ADCY5: variants seen among roughly 807,000 people sequenced by gnomAD.
The protein encoded by ADCY5 is adenylate cyclase 5.
ADCY5 carries 30 observed loss-of-function variants against 119.7 expected under a neutral mutation model. The ratio of observed to expected loss-of-function variants is 0.25; its 90% CI spans 0.19 to 0.34. ADCY5 has a LOEUF of 0.34. Ranked by LOEUF, ADCY5 falls within the 10% of genes least tolerant of loss-of-function variation. The pLI is 1.00. For missense variants in ADCY5, 1,324 were observed against 1,775.2 expected, an observed-to-expected ratio of 0.75 and a Z score of 4.57; for synonymous variants, 753 against 762.2, an observed-to-expected ratio of 0.99 and a Z score of 0.20.
intron 15 of ADCY5, among the ~76,000 whole-genome samples, chr3:123,298,618 G>A (rs1480815033): frequency 2.0e-5 from 3 of 151,896 alleles, no homozygotes; most frequent in African/African-American, 7.3e-5. Flanking sequence ...TTTCTCAGGC[G>A]ACACCACCTT....
chr3:123,396,384 A>G (rs1267370837), intron 1 of ADCY5, among the ~76,000 whole-genome samples: 6 of 134,264 alleles, frequency 4.5e-5, no homozygotes, highest in African/African-American at 1.7e-4. Flanking sequence ...GAAGGAAGGG[A>G]GGGAAAGAGA....
At chr3:123,288,432 A>G (rs570520017) in intron 19 of ADCY5, among the ~76,000 whole-genome samples, 2 of 152,250 alleles carry the variant, frequency 1.3e-5, no homozygotes, top group Non-Finnish European at 2.9e-5. Context: ...CTGCTCTTTC[A>G]GAAAGCATTC....
intron 5 of ADCY5, among the ~76,000 whole-genome samples, chr3:123,330,583 C>T (rs1346238491): frequency 6.6e-6 from 1 of 152,200 alleles, no homozygotes; most frequent in African/African-American, 2.4e-5. Context: ...GTGCAAGGGC[C>T]TCACACGGCA....
intron 1 of ADCY5, among the ~76,000 whole-genome samples, chr3:123,369,902 T>C (rs1009967927): frequency 3.3e-5 from 5 of 152,208 alleles, no homozygotes; most frequent in African/African-American, 1.2e-4. Flanking sequence ...AACCAGGAGA[T>C]TCTGCCCTGG....
chr3:123,294,935 G>A (rs116355079), intron 17 of ADCY5, among the ~76,000 whole-genome samples: 3,000 of 152,302 alleles, frequency 0.02, 96 homozygotes, highest in African/African-American at 0.064. Flanking sequence ...AGAGGGGATT[G>A]AGGAAGAAGG....
At chr3:123,381,838 G>A (rs1944042658) in intron 1 of ADCY5, among the ~76,000 whole-genome samples, 1 of 151,984 alleles carries the variant, frequency 6.6e-6, no homozygotes, top group African/African-American at 2.4e-5. Flanking sequence ...TCTACCCTTG[G>A]GCCTGTACTC....
rs1025828318 is a variant in ADCY5 at position 123,296,692 on chromosome 3, G to C, written c.2931-476C>G. 4.1e-5 allele frequency among the ~76,000 whole-genome samples: 6 copies of C among 147,800 alleles called. No homozygotes were observed. The Admixed American group carries it at 4.1e-4, about 10-fold the overall frequency. On this transcript the variant is annotated intron_variant, in intron 16 of 20. Transcript: ENST00000462833. ...TTATCTGTACAACAGGATAACAATA[G>C]CCACATTTCAAGATGGTAGTAAGGA...
rs929030957 is a variant in ADCY5, at chr3:123,381,992, C to T, written c.1135-29411G>A. ...AGCTGGTGGTGGGCAAGGCCCTTCG[C>T]GGTCTACCTCCCTCCCTTACCTCGC... is the stretch of plus-strand genomic sequence containing the variant. On this transcript the variant is annotated intron_variant, in intron 1 of 20. Transcript: ENST00000462833. 2.6e-5 allele frequency among the ~76,000 whole-genome samples: 4 copies of T among 152,164 alleles called. No homozygotes were observed. In the South Asian group the frequency reaches 8.3e-4, roughly 32 times the overall value.
chr3:123,446,117 C>T (rs1448201298), intron 1 of ADCY5, among the ~76,000 whole-genome samples: 1 of 152,148 alleles, frequency 6.6e-6, no homozygotes, highest in African/African-American at 2.4e-5. Flanking sequence ...GTGTCCCCTC[C>T]GTCCCAGTCA....
intron 1 of ADCY5, among the ~76,000 whole-genome samples, chr3:123,409,301 G>A (rs943168017): frequency 2.6e-5 from 4 of 152,172 alleles, no homozygotes; most frequent in African/African-American, 7.2e-5. Flanking sequence ...TGCCATGGGG[G>A]CCCCCAGGGA....
intron 1 of ADCY5, among the ~76,000 whole-genome samples, chr3:123,358,030 T>C (rs931557444): frequency 6.6e-6 from 1 of 152,170 alleles, no homozygotes; most frequent in African/African-American, 2.4e-5. Context: ...AGGACCTAAT[T>C]AGTAAATAAT....
At chr3:123,426,916 G>A (rs569955432) in intron 1 of ADCY5, among the ~76,000 whole-genome samples, 1 of 152,262 alleles carries the variant, frequency 6.6e-6, no homozygotes, top group South Asian at 2.1e-4. Flanking sequence ...AGAGCCCTGG[G>A]AATCTGAAGG....
At chr3:123,359,362 A>ATATATATATATATATATATATT (rs1943162312) in intron 1 of ADCY5, among the ~76,000 whole-genome samples, 1 of 128,472 alleles carries the variant, frequency 7.8e-6, no homozygotes, top group African/African-American at 3.0e-5. Flanking sequence ...ATATATATAT[A>ATATATATATATATATATATATT]TTCATTATTT....
intron 3 of ADCY5, 114 bp from the exon 4 acceptor site, chr3:123,332,789 C>T (rs867529403): frequency 3.6e-5 from 26 of 724,420 alleles, no homozygotes; most frequent in Middle Eastern, 3.1e-4. Flanking sequence ...AGGTCTTGCT[C>T]TATTGCCCAG....
intron 1 of ADCY5, among the ~76,000 whole-genome samples, chr3:123,363,733 A>AC (rs1426036822): frequency 6.6e-6 from 1 of 152,176 alleles, no homozygotes; most frequent in African/African-American, 2.4e-5. Flanking sequence ...ACATAGTGAG[A>AC]CCCCATCTCT....
intron 1 of ADCY5, among the ~76,000 whole-genome samples, chr3:123,417,104 G>A (rs556647070): frequency 7.2e-5 from 11 of 152,022 alleles, no homozygotes; most frequent in Admixed American, 2.0e-4. Flanking sequence ...CTGAGCAGAC[G>A]AATAGCTCCT....
At chr3:123,360,734 A>G in intron 1 of ADCY5, among the ~76,000 whole-genome samples, 1 of 152,272 alleles carries the variant, frequency 6.6e-6, no homozygotes, top group East Asian at 1.9e-4. Context: ...AACAATTAGC[A>G]TCTGCTTAAT....
intron 1 of ADCY5, among the ~76,000 whole-genome samples, chr3:123,418,171 G>A (rs1247922964): frequency 6.6e-6 from 1 of 152,124 alleles, no homozygotes; most frequent in Admixed American, 6.5e-5. Flanking sequence ...CTTACCACCT[G>A]GTCCATGTTC....
chr3:123,290,852 G>A (rs572457776), intron 18 of ADCY5, among the ~76,000 whole-genome samples: 1 of 152,296 alleles, frequency 6.6e-6, no homozygotes, highest in South Asian at 2.1e-4. Flanking sequence ...GCCACTTATT[G>A]GCAGTGACCT....
Sources: allele counts gnomAD v4.1 joint callset (sites outside exome capture counted in the v4.1 genomes callset), GRCh38; gene constraint gnomAD v4.1.1; transcripts MANE v1.5; gene names NCBI Gene and HGNC (gene_info 2026-07-23, HGNC 2026-07-21).